MTCL1: variants seen among roughly 807,000 people sequenced by gnomAD.
The protein encoded by MTCL1 is microtubule crosslinking factor 1.
A neutral mutation model predicts 141.4 loss-of-function variants in MTCL1; 79 were observed. That is an observed-to-expected ratio of 0.56 (90% CI 0.47 to 0.67). The LOEUF (loss-of-function observed/expected upper bound fraction) is 0.67, where lower values mean the gene tolerates loss of function less well. MTCL1 is among the 30% of genes least tolerant of loss of function. The pLI is 0.00. For synonymous variants in MTCL1, 914 were observed against 875.8 expected (o/e 1.04, Z -0.77); for missense variants, 2,177 against 2,113.9 (o/e 1.03, Z -0.59).
At chr18:8,760,046 C>T (rs1472231189) in intron 4 of MTCL1, among the ~76,000 whole-genome samples, 2 of 152,178 alleles carry the variant, frequency 1.3e-5, no homozygotes, top group African/African-American at 4.8e-5. Flanking sequence ...CTATTTGCCC[C>T]CTTTGGGAGT....
In MTCL1 at chr18:8,783,682, C is replaced by T. The variant is rs1254854681; in HGVS notation, c.570C>T (p.Pro190=). ...CCCTCTATGGGGATGTGGACAGTCC[C>T]CTGCCCACGGGGGAAGCAGGCGGGC... The change falls in exon 6 of 17, where the codon CCC becomes CCT. Residue 190 remains proline, a synonymous_variant. Coordinates refer to ENST00000359865, the Ensembl canonical transcript of MTCL1. 7 of 1,611,016 alleles carry T rather than the reference C, an allele frequency of 4.3e-6. No individual in the cohort carries two copies. In the Middle Eastern group the frequency reaches 5.0e-4, roughly 114 times the overall value.
intron 7 of MTCL1, chr18:8,789,786 AATAT>A: frequency 3.6e-6 from 3 of 843,040 alleles, no homozygotes; most frequent in Non-Finnish European, 4.3e-6. Flanking sequence ...GGTAAAGGGA[AATAT>A]TTATTTTTTT....
chr18:8,783,699 C>T, exon 6 of MTCL1: 1 of 1,608,682 alleles, frequency 6.2e-7, no homozygotes, highest in South Asian at 1.1e-5. Flanking sequence ...ACGGGGGAAG[C>T]AGGCGGGCCC....
At chr18:8,726,286 CTTTTTTT>C (rs77665680) in intron 4 of MTCL1, among the ~76,000 whole-genome samples, 2 of 102,258 alleles carry the variant, frequency 2.0e-5, no homozygotes, top group Non-Finnish European at 3.8e-5. Context: ...TTCTTTTTTT[CTTTTTTT>C]TTTTTTTTTT....
intron 4 of MTCL1, among the ~76,000 whole-genome samples, chr18:8,751,504 T>C (rs1285878949): frequency 6.6e-6 from 1 of 152,214 alleles, no homozygotes; most frequent in Admixed American, 6.5e-5. Context: ...AACTGACATT[T>C]TGTGCTATAG....
chr18:8,771,565 A>G lies in MTCL1; in HGVS notation c.358-6268A>G, dbSNP rs2096485326. 3.3e-5 allele frequency among the ~76,000 whole-genome samples: 5 copies of G among 152,192 alleles called. No homozygotes were observed. In the South Asian group the frequency reaches 1.0e-3, roughly 32 times the overall value. ...AAATTTTTTAAAAATTTAGACTTTC[A>G]AAGTCTGTCTCTGACACACTTTAGC... On this transcript the variant is annotated intron_variant, in intron 4 of 16. Transcript: ENST00000359865.
intron 4 of MTCL1, among the ~76,000 whole-genome samples, chr18:8,761,145 G>A (rs750107712): frequency 2.0e-5 from 3 of 152,090 alleles, no homozygotes; most frequent in Non-Finnish European, 2.9e-5. Flanking sequence ...GGCAGTACTC[G>A]CCTGTCTTTG....
intron 7 of MTCL1, among the ~76,000 whole-genome samples, chr18:8,790,804 C>A (rs887203203): frequency 2.6e-5 from 4 of 152,078 alleles, no homozygotes; most frequent in Non-Finnish European, 5.9e-5. Context: ...CACTTGAGGT[C>A]AGGAGTTCGA....
chr18:8,738,982 A>G (rs770940732), intron 4 of MTCL1, among the ~76,000 whole-genome samples: 1 of 152,344 alleles, frequency 6.6e-6, no homozygotes, highest in East Asian at 1.9e-4. Context: ...GCACGCCTGT[A>G]ATCCCAGGCA....
chr18:8,806,218 T>C (rs1014804109), intron 10 of MTCL1, among the ~76,000 whole-genome samples: 1 of 152,154 alleles, frequency 6.6e-6, no homozygotes, highest in African/African-American at 2.4e-5. Context: ...CATTTCACCT[T>C]TGGCTTTAAT....
chr18:8,715,008 G>A (rs907752642), upstream of MTCL1, among the ~76,000 whole-genome samples: 1 of 152,112 alleles, frequency 6.6e-6, no homozygotes, highest in African/African-American at 2.4e-5. Flanking sequence ...GTGTTAGCCA[G>A]GATGGTCTTG....
intron 4 of MTCL1, among the ~76,000 whole-genome samples, chr18:8,744,286 G>A (rs1196840652): frequency 6.6e-6 from 1 of 152,214 alleles, no homozygotes; most frequent in East Asian, 1.9e-4. Context: ...CTCCCATTCT[G>A]CTCACTCACA....
chr18:8,794,237 A>G (rs2075834651), intron 8 of MTCL1, among the ~76,000 whole-genome samples: 1 of 152,242 alleles, frequency 6.6e-6, no homozygotes, highest in Non-Finnish European at 1.5e-5. Context: ...TGCTGCTAGC[A>G]CAGTGTCCAT....
At chr18:8,735,818 G>A (rs529801997) in intron 4 of MTCL1, among the ~76,000 whole-genome samples, 27 of 152,282 alleles carry the variant, frequency 1.8e-4, no homozygotes, top group African/African-American at 2.6e-4. Flanking sequence ...AGTAGGTGGC[G>A]TGCCCCCGGT....
upstream of MTCL1, among the ~76,000 whole-genome samples, chr18:8,713,522 T>G (rs2096107444): frequency 6.6e-6 from 1 of 152,254 alleles, no homozygotes; most frequent in African/African-American, 2.4e-5. Context: ...GTCAGAAAAT[T>G]AATGTAATGT....
intron 4 of MTCL1, among the ~76,000 whole-genome samples, chr18:8,774,443 GTCTT>G (rs869290943): frequency 1.1e-4 from 15 of 142,684 alleles, no homozygotes; most frequent in African/African-American, 3.7e-4. Flanking sequence ...CAAATTTCTG[GTCTT>G]TCTTTCTTTT....
intron 11 of MTCL1, chr18:8,809,781 G>A (rs2076420680): frequency 1.5e-6 from 1 of 646,854 alleles, no homozygotes; most frequent in Non-Finnish European, 2.6e-6. Context: ...AACCAGTTGG[G>A]ATGGAAAGGG....
Position 8,830,131 on chromosome 18 carries a change from G to A in MTCL1, c.*18+1167G>A, listed in dbSNP as rs1208612982. The A allele has an allele frequency of 1.0e-6, 1 of 985,384 alleles. No individual in the cohort carries two copies. The highest frequency in any genetic ancestry group is 1.7e-5 in the African/African-American group (1 of 57,234). 61.0% of individuals were successfully genotyped at this position (985,384 alleles called of 1,614,324 possible). A position where few individuals can be genotyped will look rare whatever the true frequency, so the allele number is the denominator to read the frequency against. On this transcript the variant is annotated intron_variant, in intron 16 of 16. Coordinates refer to ENST00000359865, the Ensembl canonical transcript of MTCL1. This position sits in a 1 kb window ranked among gnomAD's most constrained non-coding sequence, Gnocchi z 6.4. ...AAAACACACAGATTTCCCAAACCGTGTGTCCCAGTCAAGCACTGTGGGCTG... is the reference window on the plus strand; with the variant it reads ...AAAACACACAGATTTCCCAAACCGTATGTCCCAGTCAAGCACTGTGGGCTG...
intron 3 of MTCL1, 32 bp from the exon 3 acceptor site, chr18:8,720,306 A>C (rs1297947076): frequency 1.9e-6 from 3 of 1,612,100 alleles, no homozygotes; most frequent in Non-Finnish European, 2.5e-6. Flanking sequence ...AAAGCCTCAT[A>C]TCCTGATAAT....
Sources: gnomAD v4.1 joint callset for allele counts (sites outside exome capture counted in the v4.1 genomes callset) on GRCh38, gnomAD v4.1.1 for gene constraint, Gnocchi (gnomAD v3.1) non-coding constraint, MANE v1.5 for transcripts, NCBI Gene and HGNC (gene_info 2026-07-23, HGNC 2026-07-21) for gene names.